ADCY5: variants seen among roughly 807,000 people sequenced by gnomAD.
ADCY5 encodes adenylate cyclase type 5.
A neutral mutation model predicts 119.7 loss-of-function variants in ADCY5; 30 were observed. The observed-to-expected ratio is 0.25, with a 90% confidence interval of 0.19 to 0.34. The LOEUF (loss-of-function observed/expected upper bound fraction) is 0.34, where lower values mean the gene tolerates loss of function less well. ADCY5 is among the 10% of genes least tolerant of loss of function. The probability of loss-of-function intolerance (pLI) is 1.00; values close to 1 mark genes in which losing one functional copy is unlikely to be tolerated. For missense variants in ADCY5, 1,324 were observed against 1,775.2 expected (o/e 0.75, Z 4.57); for synonymous variants, 753 against 762.2 (o/e 0.99, Z 0.20).
intron 8 of ADCY5, among the ~76,000 whole-genome samples, chr3:123,324,404 CCACACA>C (rs10522987): frequency 0.05 from 5,442 of 109,242 alleles, 141 homozygotes; most frequent in Admixed American, 0.061. Context: ...CACACAGAAA[CCACACA>C]CACACACACA....
intron 1 of ADCY5, among the ~76,000 whole-genome samples, chr3:123,431,702 C>G (rs1945526322): frequency 6.6e-6 from 1 of 152,230 alleles, no homozygotes; most frequent in African/African-American, 2.4e-5. Flanking sequence ...CATAAATATA[C>G]TAAGCCACAG....
intron 1 of ADCY5, among the ~76,000 whole-genome samples, chr3:123,444,244 C>T (rs116610311): frequency 0.019 from 2,958 of 152,202 alleles, 101 homozygotes; most frequent in African/African-American, 0.066. Flanking sequence ...AAAACAACCC[C>T]GTGACGCTCC....
rs746807102 is a variant in ADCY5, at chr3:123,303,145, C to T, written c.2634G>A (p.Ala878=). ...TGACGGCCGACTCCGCCACGTGACA[C>T]GCGTTGACCTGGCTCGCGCTGATGT... ...EHNISASQVN[A]CHVAESAVNY... is the part of the protein sequence containing the mutation. Residue 878 remains alanine, a synonymous_variant, in exon 14 of 21, where the codon GCG becomes GCA. Transcript: ENST00000462833. 1.1e-5 allele frequency: 17 copies of T among 1,613,888 alleles called. No homozygotes were observed. The highest frequency in any genetic ancestry group is 1.6e-4 in the Middle Eastern group (1 of 6,062).
intron 1 of ADCY5, among the ~76,000 whole-genome samples, chr3:123,440,939 C>T (rs1291302070): frequency 6.6e-6 from 1 of 152,218 alleles, no homozygotes; most frequent in Non-Finnish European, 1.5e-5. Context: ...CATTAGTGCA[C>T]ACTCACCAGC....
intron 10 of ADCY5, among the ~76,000 whole-genome samples, chr3:123,319,375 A>AG (rs1227113575): frequency 2.6e-5 from 4 of 151,702 alleles, no homozygotes; most frequent in Non-Finnish European, 4.4e-5. Flanking sequence ...AAATGAAAAA[A>AG]GAAAAAAAAA....
At chr3:123,408,672 G>C (rs534687985) in intron 1 of ADCY5, among the ~76,000 whole-genome samples, 1 of 128,728 alleles carries the variant, frequency 7.8e-6, no homozygotes, top group African/African-American at 2.9e-5. Flanking sequence ...AAAAAAAGCA[G>C]ACACAAAGTT....
At chr3:123,410,107 C>T (rs569824728) in intron 1 of ADCY5, among the ~76,000 whole-genome samples, 4 of 152,206 alleles carry the variant, frequency 2.6e-5, no homozygotes, top group African/African-American at 4.8e-5. Flanking sequence ...GTGCTGGATC[C>T]GGTCAACCCA....
At chr3:123,342,817 G>T (rs2108457241) in intron 3 of ADCY5, among the ~76,000 whole-genome samples, 1 of 152,316 alleles carries the variant, frequency 6.6e-6, no homozygotes, top group East Asian at 1.9e-4. Context: ...AGCCCTCTCA[G>T]GCCTGGCTGG....
chr3:123,325,134 G>A (rs999626058), intron 8 of ADCY5, among the ~76,000 whole-genome samples, 188 bp downstream of exon 8: 1 of 152,260 alleles, frequency 6.6e-6, no homozygotes, highest in African/African-American at 2.4e-5. Flanking sequence ...GGGGTGGTGG[G>A]GAGAGCTTGG....
intron 12 of ADCY5, among the ~76,000 whole-genome samples, chr3:123,311,936 A>C (rs1000267815): frequency 6.6e-6 from 1 of 152,174 alleles, no homozygotes; most frequent in African/African-American, 2.4e-5. Context: ...TTGCTCAGTG[A>C]ATTTGGCACT....
intron 12 of ADCY5, among the ~76,000 whole-genome samples, chr3:123,306,681 G>A (rs896839756): frequency 5.3e-5 from 8 of 152,132 alleles, no homozygotes; most frequent in African/African-American, 1.9e-4. Context: ...AAAACAATAG[G>A]GTAGCTCCTC....
At chr3:123,304,809 C>A (rs1940110701) in intron 12 of ADCY5, among the ~76,000 whole-genome samples, 1 of 152,154 alleles carries the variant, frequency 6.6e-6, no homozygotes, top group Non-Finnish European at 1.5e-5. Context: ...TACTCAAAGA[C>A]CCCCTGCAGC....
In ADCY5 at chr3:123,424,387, C is replaced by A. The variant is rs560442408; in HGVS notation, c.1134+23025G>T. Among the ~76,000 whole-genome samples, 9 of 152,298 alleles carry A rather than the reference C, an allele frequency of 5.9e-5. No individual in the cohort carries two copies. The East Asian group carries it at 1.7e-3, about 29-fold the overall frequency. The stretch of plus-strand genomic sequence containing the variant: ...AAGATGGGGGTTTGGTGGGGTCAGG[C>A]AGAGAAGCAGACCTTGGGGCCTCCC... On this transcript the variant is annotated intron_variant, in intron 1 of 20. Coordinates refer to ENST00000462833, the MANE Select transcript of ADCY5 (RefSeq NM_183357.3).
At chr3:123,312,733 A>G (rs2108309470) in intron 12 of ADCY5, among the ~76,000 whole-genome samples, 1 of 152,366 alleles carries the variant, frequency 6.6e-6, no homozygotes, top group African/African-American at 2.4e-5. Flanking sequence ...ACAGCACTGC[A>G]TTCCTCTTTA....
intron 19 of ADCY5, among the ~76,000 whole-genome samples, chr3:123,287,699 A>C (rs1478070301): frequency 6.6e-6 from 1 of 152,208 alleles, no homozygotes; most frequent in African/African-American, 2.4e-5. Context: ...AGCCGCAGGC[A>C]GCTTTATACC....
chr3:123,366,596 G>A (rs975050085), intron 1 of ADCY5, among the ~76,000 whole-genome samples: 4 of 152,188 alleles, frequency 2.6e-5, no homozygotes, highest in African/African-American at 9.7e-5. Flanking sequence ...CTAGAGAAGG[G>A]TATCAGACTG....
At chr3:123,330,255 A>G (rs1941701038) in intron 5 of ADCY5, among the ~76,000 whole-genome samples, 3 of 152,130 alleles carry the variant, frequency 2.0e-5, no homozygotes, top group South Asian at 2.1e-4. Context: ...CCCCTGCCCA[A>G]GCTATTTCTA....
chr3:123,290,628 A>G (rs539651194), intron 18 of ADCY5, among the ~76,000 whole-genome samples: 10 of 152,282 alleles, frequency 6.6e-5, no homozygotes, highest in Admixed American at 5.9e-4. Flanking sequence ...GGCCTCTGCT[A>G]CTCAGGGCCT....
chr3:123,412,852 G>A (rs1033894891), intron 1 of ADCY5, among the ~76,000 whole-genome samples: 3 of 151,372 alleles, frequency 2.0e-5, no homozygotes, highest in Non-Finnish European at 2.9e-5. Flanking sequence ...TATGTGCTTC[G>A]TTCAATGACT....
Sources: allele counts gnomAD v4.1 joint callset (sites outside exome capture counted in the v4.1 genomes callset), GRCh38; gene constraint gnomAD v4.1.1; transcripts MANE v1.5; gene names NCBI Gene and HGNC (gene_info 2026-07-23, HGNC 2026-07-21).